The following EME2 variants were observed in gnomAD, a reference collection of about 807,000 sequenced individuals.
EME2 encodes structure-specific endonuclease subunit EME2.
EME2 carries 58 observed loss-of-function variants against 41.9 expected under a neutral mutation model. The observed-to-expected ratio is 1.38, with a 90% CI of 1.12 to 1.72. EME2 has a LOEUF of 1.72. EME2 is among the 40% of genes most tolerant of loss of function. EME2 has a pLI of 0.00. For missense variants in EME2, 695 were observed against 541.9 expected (o/e 1.28, Z -2.81); for synonymous variants, 334 against 239.3 (o/e 1.40, Z -3.65).
chr16:1,776,616 A>C lies in EME2; in HGVS notation c.*378A>C. On this transcript the variant is annotated 3_prime_UTR_variant, in exon 8 of 8. Transcript: ENST00000568449. ...CACCCTCAGCCAGAAGCAGTAGGGG[A>C]CTCCCAAGGATGTGGAGGGGCAGTG... is the stretch of plus-strand genomic sequence containing the variant. The C allele has an allele frequency of 1.0e-5, 3 of 295,608 alleles. No homozygotes were observed. Among genetic ancestry groups the C allele is most frequent in the Non-Finnish European group, 1.9e-5 (3 of 157,640 alleles). 18.3% of individuals were successfully genotyped at this position (295,608 alleles called of 1,614,324 possible).
chr16:1,772,934 G>T lies in EME2; in HGVS notation c.-294G>T. The T allele has an allele frequency of 2.1e-6, 3 of 1,446,984 alleles. No homozygotes were observed. Among genetic ancestry groups the T allele is most frequent in the Non-Finnish European group, 1.8e-6 (2 of 1,105,992 alleles). 89.6% of individuals were successfully genotyped at this position (1,446,984 alleles called of 1,614,324 possible). On this transcript the variant is annotated 5_prime_UTR_variant, in exon 1 of 8. Transcript: ENST00000568449. ...GGCGGCCGAGCAGCTGCAAGAGGCG[G>T]CTCTCGCGGCGCACGTCGGCCCAGG...
chr16:1,772,905 G>T lies in EME2; in HGVS notation c.-323G>T, dbSNP rs994323145. ...GACCAGGCGGCCCAGGCCGAAGAGC[G>T]GGAGGCGGCCGAGCAGCTGCAAGAG... On this transcript the variant is annotated 5_prime_UTR_variant, in exon 1 of 8. Coordinates refer to ENST00000568449, the MANE Select transcript of EME2 (RefSeq NM_001257370.2). 1.4e-6 allele frequency: 2 copies of T among 1,450,234 alleles called. No individual in the cohort carries two copies. Among genetic ancestry groups the T allele is most frequent in the East Asian group, 2.7e-5 (1 of 37,552 alleles). The allele number at this position is 1,450,234 out of a possible 1,614,324, so 89.8% of individuals were successfully genotyped here. A position where few individuals can be genotyped will look rare whatever the true frequency, so the allele number is the denominator to read the frequency against.
Position 1,777,453 on chromosome 16 carries a change from A to T in EME2, c.*1215A>T. On this transcript the variant is annotated 3_prime_UTR_variant, in exon 8 of 8. Transcript: ENST00000568449. ...TTGGTGGCTGCCACACCTGGAAGGGAGGGGCCCAGCCTGAACCCCAGGCAG... is the reference window on the plus strand; with the variant it reads ...TTGGTGGCTGCCACACCTGGAAGGGTGGGGCCCAGCCTGAACCCCAGGCAG... The T allele has an allele frequency of 6.7e-7, 1 of 1,497,572 alleles. No individual in the cohort carries two copies. The highest frequency in any genetic ancestry group is 8.9e-7 in the Non-Finnish European group (1 of 1,124,116). The allele number at this position is 1,497,572 out of a possible 1,614,324, so 92.8% of individuals were successfully genotyped here.
intron 4 of EME2, 36 bp from the exon 5 acceptor site, chr16:1,775,279 C>G: frequency 1.2e-6 from 2 of 1,606,656 alleles, no homozygotes; most frequent in Non-Finnish European, 1.7e-6. Flanking sequence ...GGGCAGGCCC[C>G]ATGGGGAGCG....
Position 1,777,704 on chromosome 16 carries a change from G to T in EME2, c.*1466G>T, listed in dbSNP as rs778576731. On this transcript the variant is annotated 3_prime_UTR_variant, in exon 8 of 8. Coordinates refer to ENST00000568449, the MANE Select transcript of EME2 (RefSeq NM_001257370.2). ...CTGGGGCGGGGTGGCTGCCTCCCTC[G>T]GGGTGACAGCTGAGAGGAGCTCAAG... 7 of 1,602,458 alleles carry T rather than the reference G, an allele frequency of 4.4e-6. No homozygotes were observed. The South Asian group carries it at 5.5e-5, about 13-fold the overall frequency.
Position 1,774,407 on chromosome 16 carries a change from C to CG in EME2, c.477+58dup, listed in dbSNP as rs769856487. 13 of 1,460,784 alleles carry CG rather than the reference C, an allele frequency of 8.9e-6. No homozygotes were observed. The South Asian group carries it at 1.5e-4, about 17-fold the overall frequency. 90.5% of individuals were successfully genotyped at this position (1,460,784 alleles called of 1,614,324 possible). A position where few individuals can be genotyped will look rare whatever the true frequency, so the allele number is the denominator to read the frequency against. On this transcript the variant is annotated intron_variant, in intron 3 of 7. Transcript: ENST00000568449. ...TAATCAGGAGGGGTGGGTTCCCAGC[C>CG]GGGAGGCGCCTGCTCCGCCGGTCCC...
rs142249448 is a variant in EME2, at chr16:1,781,421, G to A, written c.*5183G>A. ...CTAGAGCCACGGCCCGGGCATCTGC[G>A]TCTCGGCGGGCTGCACTCAGGACGA... On this transcript the variant is annotated 3_prime_UTR_variant, in exon 8 of 8. Coordinates refer to ENST00000568449, the MANE Select transcript of EME2 (RefSeq NM_001257370.2). 14 of 1,612,818 alleles carry A rather than the reference G, an allele frequency of 8.7e-6. No homozygotes were observed. The highest frequency in any genetic ancestry group is 3.3e-5 in the Admixed American group (2 of 60,014).
rs765821130 is a variant in EME2, at chr16:1,777,195, G to A, written c.*957G>A. ...TGGGGATCGGACACTGGAGCCTTGC[G>A]GCGGCTGCAACTCATGCTCAGGACC... On this transcript the variant is annotated 3_prime_UTR_variant, in exon 8 of 8. Transcript: ENST00000568449. 1.6e-5 allele frequency: 26 copies of A among 1,610,382 alleles called. No homozygotes were observed. In the East Asian group the frequency reaches 2.5e-4, roughly 15 times the overall value.
rs1040954221 is a variant in EME2, at chr16:1,776,982, G to A, written c.*744G>A. 4.1e-6 allele frequency: 5 copies of A among 1,229,764 alleles called. No homozygotes were observed. Among genetic ancestry groups the A allele is most frequent in the Non-Finnish European group, 5.6e-6 (5 of 885,840 alleles). The allele number at this position is 1,229,764 out of a possible 1,614,324, so 76.2% of individuals were successfully genotyped here. Reference sequence around the variant, plus strand: ...CGGGAGCAAGAGATGGCTCCCTCCGGACGGGCCTCATCCAACTCCGCCCTG... The same window carrying A: ...CGGGAGCAAGAGATGGCTCCCTCCGAACGGGCCTCATCCAACTCCGCCCTG... On this transcript the variant is annotated 3_prime_UTR_variant, in exon 8 of 8. Coordinates refer to ENST00000568449, the MANE Select transcript of EME2 (RefSeq NM_001257370.2).
Position 1,779,480 on chromosome 16 carries a change from C to G in EME2, c.*3242C>G, listed in dbSNP as rs1896641715. 6.6e-6 allele frequency: 1 copy of G among 152,456 alleles called. No individual in the cohort carries two copies. Among genetic ancestry groups the G allele is most frequent in the Non-Finnish European group, 1.5e-5 (1 of 68,208 alleles). The allele number at this position is 152,456 out of a possible 1,614,324, so 9.4% of individuals were successfully genotyped here. ...GGGACCATGACATGGGCGCCACCAG[C>G]TTCCAGGTGAACGTGGACCTATCGA... On this transcript the variant is annotated 3_prime_UTR_variant, in exon 8 of 8. Transcript: ENST00000568449.
At chr16:1,775,739 C>A (rs1405439637) in intron 6 of EME2, 55 bp downstream of exon 6, 2 of 1,612,410 alleles carry the variant, frequency 1.2e-6, no homozygotes, top group Middle Eastern at 1.6e-4. Context: ...AGTGGTGCCT[C>A]CCCGGCCTTT....
Position 1,778,758 on chromosome 16 carries a change from G to A in EME2, c.*2520G>A, listed in dbSNP as rs1416680936. ...CCAGGGACTTCACAGTACCCCGAGC[G>A]CACAGCCCAGGCTCCCTCCCAACGG... On this transcript the variant is annotated 3_prime_UTR_variant, in exon 8 of 8. Coordinates refer to ENST00000568449, the MANE Select transcript of EME2 (RefSeq NM_001257370.2). The A allele has an allele frequency of 1.3e-5, 11 of 866,362 alleles. No individual in the cohort carries two copies. The highest frequency in any genetic ancestry group is 2.8e-5 in the East Asian group (1 of 35,780). 53.7% of individuals were successfully genotyped at this position (866,362 alleles called of 1,614,324 possible).
chr16:1,781,630 G>A lies in EME2; in HGVS notation c.*5392G>A. On this transcript the variant is annotated 3_prime_UTR_variant, in exon 8 of 8. Coordinates refer to ENST00000568449, the MANE Select transcript of EME2 (RefSeq NM_001257370.2). The stretch of plus-strand genomic sequence containing the variant: ...CGGTGCCCAGCCAGGGCTCCAGAAC[G>A]CTTCAGGAGCCCGTACCTCACTCCA... 1 of 897,968 alleles carries A rather than the reference G, an allele frequency of 1.1e-6. No homozygotes were observed. Among genetic ancestry groups the A allele is most frequent in the Non-Finnish European group, 1.7e-6 (1 of 598,020 alleles). The allele number at this position is 897,968 out of a possible 1,614,324, so 55.6% of individuals were successfully genotyped here.
In EME2 at chr16:1,776,766, G is replaced by A. The variant is rs1328765990; in HGVS notation, c.*528G>A. The A allele has an allele frequency of 2.8e-5, 12 of 430,872 alleles. No homozygotes were observed. The highest frequency in any genetic ancestry group is 3.8e-5 in the Non-Finnish European group (9 of 239,328). 26.7% of individuals were successfully genotyped at this position (430,872 alleles called of 1,614,324 possible). On this transcript the variant is annotated 3_prime_UTR_variant, in exon 8 of 8. Coordinates refer to ENST00000568449, the MANE Select transcript of EME2 (RefSeq NM_001257370.2). Reference sequence around the variant, plus strand: ...TGCAGTCCTTTAAGTCTATGACGGCGGGGCAGCCGCTGACAGCATGCAGAG... The same window carrying A: ...TGCAGTCCTTTAAGTCTATGACGGCAGGGCAGCCGCTGACAGCATGCAGAG...
Position 1,777,104 on chromosome 16 carries a change from C to A in EME2, c.*866C>A, listed in dbSNP as rs148030477. The A allele has an allele frequency of 6.2e-7, 1 of 1,610,646 alleles. No individual in the cohort carries two copies. Among genetic ancestry groups the A allele is most frequent in the African/African-American group, 1.3e-5 (1 of 74,930 alleles). On this transcript the variant is annotated 3_prime_UTR_variant, in exon 8 of 8. Transcript: ENST00000568449. ...GTTCCACTGGGAAGTCAGTCAGGTC[C>A]GGCGGCAGCGCTTCCTCTGGCAGGG...
In EME2 at chr16:1,777,317, T is replaced by C. The variant is rs1187629767; in HGVS notation, c.*1079T>C. ...GTCTGGCCGCAGCTGGCGCAGGCGGTGGCAGCACAGGTACTGGAGGGAAGT... is the reference window on the plus strand; with the variant it reads ...GTCTGGCCGCAGCTGGCGCAGGCGGCGGCAGCACAGGTACTGGAGGGAAGT... On this transcript the variant is annotated 3_prime_UTR_variant, in exon 8 of 8. Transcript: ENST00000568449. 3 of 1,609,574 alleles carry C rather than the reference T, an allele frequency of 1.9e-6. No individual in the cohort carries two copies. The highest frequency in any genetic ancestry group is 2.5e-6 in the Non-Finnish European group (3 of 1,179,632).
At position 1,778,887 on chromosome 16, in the gene EME2, A is replaced by G. The variant is rs867433700; in HGVS notation, c.*2649A>G. 4.9e-5 allele frequency: 18 copies of G among 368,118 alleles called. No homozygotes were observed. The highest frequency in any genetic ancestry group is 3.6e-4 in the African/African-American group (17 of 47,870). The allele number at this position is 368,118 out of a possible 1,614,324, so 22.8% of individuals were successfully genotyped here. A position where few individuals can be genotyped will look rare whatever the true frequency, so the allele number is the denominator to read the frequency against. ...CCTCCAAGTGGTTTCTAGACGGTGG[A>G]TAAGCCCCAGGTCCACCCCACCTGC... On this transcript the variant is annotated 3_prime_UTR_variant, in exon 8 of 8. Coordinates refer to ENST00000568449, the MANE Select transcript of EME2 (RefSeq NM_001257370.2).
rs947756957 is a variant in EME2 at position 1,772,860 on chromosome 16, C to G, written c.-368C>G. 29 of 1,447,468 alleles carry G rather than the reference C, an allele frequency of 2.0e-5. No individual in the cohort carries two copies. Among genetic ancestry groups the G allele is most frequent in the Admixed American group, 1.6e-4 (6 of 36,900 alleles). The allele number at this position is 1,447,468 out of a possible 1,614,324, so 89.7% of individuals were successfully genotyped here. The stretch of plus-strand genomic sequence containing the variant: ...CCAGTAGCACGGCTCGTCGTGCTGC[C>G]ACAGCCAGGACTTGCGCGTGACCAG... On this transcript the variant is annotated 5_prime_UTR_variant, in exon 1 of 8. Transcript: ENST00000568449.
At chr16:1,774,827 C>T (rs2042684309) in intron 3 of EME2, 4 of 620,202 alleles carry the variant, frequency 6.4e-6, no homozygotes, top group South Asian at 1.9e-5. Context: ...CTGACATGTG[C>T]CCGAGCAGCC....
Sources: allele counts gnomAD v4.1 joint callset, GRCh38; gene constraint gnomAD v4.1.1; transcripts MANE v1.5; gene names NCBI Gene and HGNC (gene_info 2026-07-23, HGNC 2026-07-21).